The following ZER1 variants were observed in gnomAD, a reference collection of about 807,000 sequenced individuals.
ZER1 encodes the protein protein zer-1 homolog.
Under a neutral mutation model 78.8 loss-of-function variants are expected in ZER1, and 11 were observed. The observed-to-expected ratio is 0.14, with a 90% confidence interval of 0.09 to 0.23. The LOEUF (loss-of-function observed/expected upper bound fraction) is 0.23, where lower values mean the gene tolerates loss of function less well. ZER1 is among the 10% of genes least tolerant of loss of function. The pLI is 1.00. For synonymous variants in ZER1, 400 were observed against 407.0 expected (o/e 0.98, Z 0.21); for missense variants, 588 against 996.9 (o/e 0.59, Z 5.52).
intron 13 of ZER1, among the ~76,000 whole-genome samples, chr9:128,739,034 T>C (rs1304436309): frequency 6.6e-6 from 1 of 151,288 alleles, no homozygotes; most frequent in Non-Finnish European, 1.5e-5. Context: ...GTATTTTTAG[T>C]AGGGACGGGG....
At chr9:128,742,010 G>T (rs1175517007) in intron 9 of ZER1, among the ~76,000 whole-genome samples, 169 bp from the exon 10 acceptor site, 1 of 152,208 alleles carries the variant, frequency 6.6e-6, no homozygotes, top group African/African-American at 2.4e-5. Context: ...CCACGCCTCA[G>T]CCCCTTGGTA....
rs374703079 is a variant in ZER1, at chr9:128,742,350, C to T, written c.1575+180G>A. Among the ~76,000 whole-genome samples the T allele has an allele frequency of 1.1e-4, 16 of 152,348 alleles. No homozygotes were observed. In the East Asian group the frequency reaches 3.1e-3, roughly 29 times the overall value. On this transcript the variant is annotated intron_variant, in intron 9 of 15. Transcript: ENST00000291900. ...AGGTGGAAGAAATCTATGAGGGCAT[C>T]AGCAACATTCAGCATTAAGAAATTC... is the stretch of plus-strand genomic sequence containing the variant.
At position 128,742,723 on chromosome 9, in the gene ZER1, G is replaced by A. The variant is rs1194395695; in HGVS notation, c.1382C>T (p.Thr461Met). 4 of 1,612,250 alleles carry A rather than the reference G, an allele frequency of 2.5e-6. No homozygotes were observed. Among genetic ancestry groups the A allele is most frequent in the East Asian group, 2.2e-5 (1 of 44,792 alleles). ...EVTVQRNCCLTLCNFSIPEEL... is the reference protein window; with the variant it reads ...EVTVQRNCCLMLCNFSIPEEL... Reference sequence around the variant, plus strand: ...CTCGGGGATGCTGAAGTTGCAGAGCGTCAGGCAGCAGTTCCGCTGCACCTG... The same window carrying A: ...CTCGGGGATGCTGAAGTTGCAGAGCATCAGGCAGCAGTTCCGCTGCACCTG... The change falls in exon 9 of 16, where the codon ACG becomes ATG. Residue 461 changes from threonine to methionine, a missense_variant. Thr to Met is a moderately conservative substitution (Grantham distance 81). This residue lies in a region of ZER1 where 406 missense variants were observed against 660.1 expected (regional missense o/e 0.62). Coordinates refer to ENST00000291900, the MANE Select transcript of ZER1 (RefSeq NM_006336.4).
chr9:128,752,960 C>G (rs1863729190), intron 4 of ZER1, 111 bp from the exon 5 acceptor site: 11 of 1,409,402 alleles, frequency 7.8e-6, no homozygotes, highest in Non-Finnish European at 1.1e-5. Context: ...CCTGCCACAA[C>G]TTCCCCAGGG....
In ZER1 at chr9:128,735,440, A is replaced by C; in HGVS notation, c.2043-9T>G. ...GAATTGGTTCAAATGACCTGCAGGA[A>C]AAGAAATCAAGGTCACTGTGGATGC... is the stretch of plus-strand genomic sequence containing the variant. On this transcript the variant is annotated splice_polypyrimidine_tract_variant and intron_variant, in intron 13 of 15. Transcript: ENST00000291900. The C allele has an allele frequency of 3.7e-6, 6 of 1,612,666 alleles. No individual in the cohort carries two copies. Among genetic ancestry groups the C allele is most frequent in the Middle Eastern group, 3.3e-4 (2 of 6,036 alleles).
In ZER1 at chr9:128,754,308, T is replaced by C. The variant is rs1246483207; in HGVS notation, c.159-349A>G. ...CTTTAAGCCCCTCCTGCGACCCTTT[T>C]AAACAGGCAAACTAAGCCAAGTAGT... On this transcript the variant is annotated intron_variant, in intron 2 of 15. Coordinates refer to ENST00000291900, the MANE Select transcript of ZER1 (RefSeq NM_006336.4). This position sits in a 1 kb window ranked among gnomAD's most constrained non-coding sequence, Gnocchi z 4.3. 2.0e-5 allele frequency among the ~76,000 whole-genome samples: 3 copies of C among 152,166 alleles called. No homozygotes were observed. Among genetic ancestry groups the C allele is most frequent in the Admixed American group, 6.5e-5 (1 of 15,272 alleles).
rs144850136 is a variant in ZER1 at position 128,768,906 on chromosome 9, C to T, written c.-95+2675G>A. On this transcript the variant is annotated intron_variant, in intron 1 of 15. Transcript: ENST00000291900. ...CATTCATTTCAACACCCTCATTTTG[C>T]CTATTTTACGTGGTAGAATGGAAAT... 9.5e-3 allele frequency among the ~76,000 whole-genome samples: 1,444 copies of T among 152,208 alleles called. 21 individuals are homozygous for T. The highest frequency in any genetic ancestry group is 0.028 in the African/African-American group (1,176 of 41,546).
intron 8 of ZER1, among the ~76,000 whole-genome samples, chr9:128,747,199 AAAAAG>A (rs1282700429): frequency 5.9e-5 from 9 of 151,706 alleles, no homozygotes; most frequent in Non-Finnish European, 1.2e-4. Flanking sequence ...TGTCTCAAAA[AAAAAG>A]AAAAGAAAAA....
chr9:128,734,392 T>C (rs534934709), intron 14 of ZER1, among the ~76,000 whole-genome samples: 1 of 150,958 alleles, frequency 6.6e-6, no homozygotes, highest in African/African-American at 2.4e-5. Context: ...AGACGGGGTT[T>C]CACTATGTTG....
chr9:128,731,106 C>G lies in ZER1; in HGVS notation c.*231G>C, dbSNP rs1228584063. ...CAGGAGTGTTGCTTTTGTTTTTGCA[C>G]AGAAATCATACACACAAAACTTCAC... On this transcript the variant is annotated 3_prime_UTR_variant, in exon 16 of 16. Coordinates refer to ENST00000291900, the MANE Select transcript of ZER1 (RefSeq NM_006336.4). 2.0e-5 allele frequency: 4 copies of G among 201,016 alleles called. No homozygotes were observed. The highest frequency in any genetic ancestry group is 1.2e-4 in the Admixed American group (2 of 17,022). 12.5% of individuals were successfully genotyped at this position (201,016 alleles called of 1,614,324 possible).
intron 1 of ZER1, among the ~76,000 whole-genome samples, chr9:128,758,683 G>T (rs951034375): frequency 1.3e-5 from 2 of 151,904 alleles, no homozygotes; most frequent in African/African-American, 4.8e-5. Context: ...CAAGCAATCT[G>T]CTTACCCCCG....
In ZER1 at chr9:128,733,418, T is replaced by G; in HGVS notation, c.2243+8A>C. 1 of 1,613,330 alleles carries G rather than the reference T, an allele frequency of 6.2e-7. No homozygotes were observed. Among genetic ancestry groups the G allele is most frequent in the Non-Finnish European group, 8.5e-7 (1 of 1,179,640 alleles). ...GTTCCAGGCAGAAACACACTGCTGG[T>G]CTCTTACCGGGCCATTTCCTTGGTC... is the stretch of plus-strand genomic sequence containing the variant. On this transcript the variant is annotated splice_region_variant and intron_variant, in intron 15 of 15. Coordinates refer to ENST00000291900, the MANE Select transcript of ZER1 (RefSeq NM_006336.4).
intron 1 of ZER1, among the ~76,000 whole-genome samples, chr9:128,764,474 G>A (rs1211114062): frequency 6.6e-6 from 1 of 152,102 alleles, no homozygotes; most frequent in East Asian, 1.9e-4. Flanking sequence ...TCCCCAAGTG[G>A]AAGAAACACC....
At chr9:128,742,395 A>T (rs1863331771) in intron 9 of ZER1, 135 bp downstream of exon 9, 1 of 1,010,910 alleles carries the variant, frequency 9.9e-7, no homozygotes, top group Non-Finnish European at 1.5e-6. Context: ...TCTAGCCTAA[A>T]TCCCTCATGC....
intron 8 of ZER1, among the ~76,000 whole-genome samples, chr9:128,743,367 T>C (rs1322593440): frequency 1.3e-5 from 2 of 152,110 alleles, no homozygotes; most frequent in East Asian, 3.9e-4. Context: ...CTGCCTGCCT[T>C]GGCCTCCCAA....
At chr9:128,748,180 C>T (rs532318573) in intron 8 of ZER1, among the ~76,000 whole-genome samples, 4 of 151,914 alleles carry the variant, frequency 2.6e-5, no homozygotes, top group Non-Finnish European at 1.5e-5. Flanking sequence ...CCGACGCAGG[C>T]GGATCATGAG....
Position 128,751,592 on chromosome 9 carries a change from G to C in ZER1, c.924-65C>G, listed in dbSNP as rs555683145. On this transcript the variant is annotated intron_variant, in intron 5 of 15. Coordinates refer to ENST00000291900, the MANE Select transcript of ZER1 (RefSeq NM_006336.4). This position sits in a 1 kb window ranked among gnomAD's most constrained non-coding sequence, Gnocchi z 5.4. ...AGGCCTGAGCTGGGCCTCCCCACTG[G>C]GGGTGGTGAGGCATTTCCTTGCTTT... 1.4e-4 allele frequency: 193 copies of C among 1,341,566 alleles called. 3 individuals are homozygous for C. The South Asian group carries it at 1.7e-3, about 12-fold the overall frequency. The allele number at this position is 1,341,566 out of a possible 1,614,324, so 83.1% of individuals were successfully genotyped here.
At chr9:128,768,693 T>C (rs2132497329) in intron 1 of ZER1, among the ~76,000 whole-genome samples, 1 of 152,290 alleles carries the variant, frequency 6.6e-6, no homozygotes, top group South Asian at 2.1e-4. Flanking sequence ...CCTGAGGATA[T>C]AGTCCGGGCT....
chr9:128,738,366 T>A (rs945614451), intron 13 of ZER1, among the ~76,000 whole-genome samples: 1 of 145,328 alleles, frequency 6.9e-6, no homozygotes, highest in Admixed American at 7.0e-5. Flanking sequence ...CTTGTTTTTT[T>A]AATTTATTTT....
Sources: allele counts gnomAD v4.1 joint callset (sites outside exome capture counted in the v4.1 genomes callset), GRCh38; gene constraint gnomAD v4.1.1; regional missense constraint gnomAD v4.1.1; non-coding constraint Gnocchi (gnomAD v3.1); transcripts MANE v1.5; gene names NCBI Gene and HGNC (gene_info 2026-07-23, HGNC 2026-07-21).